Variants in SLC14A2 observed in about 807,000 individuals in gnomAD.
SLC14A2 encodes the protein solute carrier family 14 member 2.
Under a neutral mutation model 104.6 loss-of-function variants are expected in SLC14A2, and 91 were observed. That is an observed-to-expected ratio of 0.87 (90% CI 0.73 to 1.04). SLC14A2 has a LOEUF of 1.04. SLC14A2 is among the 50% of genes least tolerant of loss of function. The probability of loss-of-function intolerance (pLI) is 0.00; values close to 1 mark genes in which losing one functional copy is unlikely to be tolerated. For missense variants in SLC14A2, 1,189 were observed against 1,156.0 expected (o/e 1.03, Z -0.41); for synonymous variants, 476 against 466.4 (o/e 1.02, Z -0.27).
chr18:45,267,387 C>T (rs1192695094), intron 1 of SLC14A2, among the ~76,000 whole-genome samples: 2 of 152,140 alleles, frequency 1.3e-5, no homozygotes, highest in African/African-American at 4.8e-5. Context: ...TTACCACACT[C>T]TTTCTGGCCC....
At chr18:45,431,847 G>C (rs1176851532) in intron 1 of SLC14A2, among the ~76,000 whole-genome samples, 1 of 152,192 alleles carries the variant, frequency 6.6e-6, no homozygotes, top group African/African-American at 2.4e-5. Context: ...CTAAAATGAA[G>C]GAAGTGGGAA....
intron 5 of SLC14A2, chr18:45,634,745 T>C: frequency 2.2e-6 from 1 of 450,302 alleles, no homozygotes; most frequent in Non-Finnish European, 4.5e-6. Context: ...TCAGCTGTGA[T>C]AGAAAGCAGT....
intron 1 of SLC14A2, among the ~76,000 whole-genome samples, chr18:45,381,434 G>A (rs973458460): frequency 2.6e-5 from 4 of 152,140 alleles, no homozygotes; most frequent in African/African-American, 4.8e-5. Context: ...ATTTTCTGTG[G>A]TCTTTTCACC....
chr18:45,232,968 AT>A (rs1003182544), intron 1 of SLC14A2, among the ~76,000 whole-genome samples: 1 of 152,004 alleles, frequency 6.6e-6, no homozygotes, highest in African/African-American at 2.4e-5. Flanking sequence ...TTGCACCCCA[AT>A]TTTTCTCTAA....
At chr18:45,241,493 T>C (rs945377077) in intron 1 of SLC14A2, among the ~76,000 whole-genome samples, 3 of 152,140 alleles carry the variant, frequency 2.0e-5, no homozygotes, top group Admixed American at 1.3e-4. Context: ...GCTTGGCCAC[T>C]GGGTCCCTGG....
chr18:45,550,645 A>G (rs1338185487), intron 2 of SLC14A2, among the ~76,000 whole-genome samples: 3 of 152,188 alleles, frequency 2.0e-5, no homozygotes, highest in Admixed American at 2.0e-4. Context: ...ATGGCTCTCG[A>G]CAGAGAGTGT....
intron 2 of SLC14A2, among the ~76,000 whole-genome samples, chr18:45,527,075 G>A (rs1339634642): frequency 6.6e-6 from 1 of 152,186 alleles, no homozygotes; most frequent in Non-Finnish European, 1.5e-5. Context: ...AGAGGGGCAT[G>A]ACTTGCCCAA....
chr18:45,465,146 AG>A (rs2087117151), intron 1 of SLC14A2, among the ~76,000 whole-genome samples: 1 of 152,188 alleles, frequency 6.6e-6, no homozygotes, highest in African/African-American at 2.4e-5. Context: ...AGTGAGACAG[AG>A]GAGGGTCAGA....
chr18:45,403,125 C>T (rs2086114011), intron 1 of SLC14A2, among the ~76,000 whole-genome samples: 1 of 152,180 alleles, frequency 6.6e-6, no homozygotes, highest in Admixed American at 6.5e-5. Context: ...CTGGTGAAGA[C>T]TCCCTTCTCG....
chr18:45,508,145 A>G (rs28564424), intron 2 of SLC14A2, among the ~76,000 whole-genome samples: 4,709 of 151,978 alleles, frequency 0.031, 264 homozygotes, highest in African/African-American at 0.11. Context: ...CTCATGTTCT[A>G]GCTGGGGCTG....
At chr18:45,197,089 G>T in the SLC14A2 span, among the ~76,000 whole-genome samples, 1 of 152,150 alleles carries the variant, frequency 6.6e-6, no homozygotes, top group Non-Finnish European at 1.5e-5. Flanking sequence ...ACATAGATTT[G>T]GATGTGCCAC....
At chr18:45,621,477 G>A (rs569691769) in intron 1 of SLC14A2, among the ~76,000 whole-genome samples, 9 of 152,312 alleles carry the variant, frequency 5.9e-5, no homozygotes, top group African/African-American at 9.6e-5. Flanking sequence ...GTGGCCCCAC[G>A]CTGTTCTGAA....
rs771710022 is a variant in SLC14A2, at chr18:45,641,211, C to T, written c.994C>T (p.Leu332=). Residue 332 remains leucine, a splice_region_variant and synonymous_variant, in exon 8 of 20, where the codon CTG becomes TTG. Coordinates refer to ENST00000255226, the MANE Select transcript of SLC14A2 (RefSeq NM_007163.4). The part of the protein sequence containing the change: ...IGSIVGLLAA[L]SVATPFETIY... ...AAATACCACACCTTGTCCCATAGCC[C>T]TGTCAGTGGCCACACCCTTCGAGAC... is the stretch of plus-strand genomic sequence containing the variant. 3 of 1,613,510 alleles carry T rather than the reference C, an allele frequency of 1.9e-6. No homozygotes were observed. Among genetic ancestry groups the T allele is most frequent in the South Asian group, 2.2e-5 (2 of 91,064 alleles).
At chr18:45,664,380 G>A (rs914598618) in intron 11 of SLC14A2, among the ~76,000 whole-genome samples, 1 of 152,360 alleles carries the variant, frequency 6.6e-6, no homozygotes, top group African/African-American at 2.4e-5. Context: ...AGGCCAGGAA[G>A]AGGGTATCCA....
chr18:45,472,811 T>C (rs2144671817), intron 1 of SLC14A2, among the ~76,000 whole-genome samples: 1 of 152,338 alleles, frequency 6.6e-6, no homozygotes, highest in East Asian at 1.9e-4. Flanking sequence ...AAAAATTTTC[T>C]TCCATTCTGC....
chr18:45,532,298 G>A (rs2043705884), intron 2 of SLC14A2, among the ~76,000 whole-genome samples: 1 of 152,232 alleles, frequency 6.6e-6, no homozygotes, highest in South Asian at 2.1e-4. Context: ...GGGCAGTATG[G>A]CCATTTTCAC....
At chr18:45,519,618 A>G (rs752476602) in intron 2 of SLC14A2, among the ~76,000 whole-genome samples, 5 of 152,238 alleles carry the variant, frequency 3.3e-5, no homozygotes, top group Non-Finnish European at 7.3e-5. Flanking sequence ...AATTGGAAAA[A>G]GGGGGCAGAG....
chr18:45,656,202 G>A (rs1749664656), intron 10 of SLC14A2, among the ~76,000 whole-genome samples: 1 of 152,206 alleles, frequency 6.6e-6, no homozygotes, highest in South Asian at 2.1e-4. Flanking sequence ...GAATTCAAGG[G>A]CTGGAATCAT....
chr18:45,391,219 T>C (rs1375609107), intron 1 of SLC14A2, among the ~76,000 whole-genome samples: 1 of 152,186 alleles, frequency 6.6e-6, no homozygotes, highest in Non-Finnish European at 1.5e-5. Flanking sequence ...AATGATGGTT[T>C]CCAGCTTCAT....
Sources: gnomAD v4.1 joint callset for allele counts (sites outside exome capture counted in the v4.1 genomes callset) on GRCh38, gnomAD v4.1.1 for gene constraint, MANE v1.5 for transcripts, NCBI Gene and HGNC (gene_info 2026-07-23, HGNC 2026-07-21) for gene names.